The following MSI2 variants were observed in gnomAD, a reference collection of about 807,000 sequenced individuals.
The protein encoded by MSI2 is RNA-binding protein Musashi homolog 2.
A neutral mutation model predicts 45.6 loss-of-function variants in MSI2; 17 were observed. The observed-to-expected ratio is 0.37, with a 90% confidence interval of 0.26 to 0.56. The LOEUF (loss-of-function observed/expected upper bound fraction) is 0.56. MSI2 is among the 20% of genes least tolerant of loss of function. The pLI, the probability that MSI2 is intolerant of heterozygous loss-of-function variation, is 0.77. For synonymous variants in MSI2, 156 were observed against 158.2 expected, an observed-to-expected ratio of 0.99 and a Z score of 0.11; for missense variants, 293 against 444.2, an observed-to-expected ratio of 0.66 and a Z score of 3.06.
intron 6 of MSI2, among the ~76,000 whole-genome samples, chr17:57,412,001 C>T (rs62060399): frequency 0.022 from 3,372 of 151,884 alleles, 49 homozygotes; most frequent in Non-Finnish European, 0.034. Context: ...ACCAAGACTC[C>T]GTCTGGGGGC....
intron 5 of MSI2, chr17:57,268,070 CCTTTT>C (rs1401416000): frequency 1.3e-5 from 2 of 152,218 alleles, no homozygotes; most frequent in Non-Finnish European, 2.9e-5. Flanking sequence ...ACAGCACTTA[CCTTTT>C]CTTTGGTTAA....
chr17:57,504,972 T>C (rs1342110152), intron 6 of MSI2, among the ~76,000 whole-genome samples: 3 of 141,948 alleles, frequency 2.1e-5, no homozygotes, highest in South Asian at 4.6e-4. Flanking sequence ...AAGGGGAGAA[T>C]GGGGGGTCCC....
At chr17:57,290,399 T>G (rs1026175308) in intron 5 of MSI2, among the ~76,000 whole-genome samples, 2 of 152,244 alleles carry the variant, frequency 1.3e-5, no homozygotes, top group African/African-American at 4.8e-5. Context: ...ACCCTCCAAC[T>G]GTTGGACTCA....
chr17:57,370,686 A>C (rs1202218585), intron 5 of MSI2, among the ~76,000 whole-genome samples: 1 of 152,160 alleles, frequency 6.6e-6, no homozygotes, highest in Non-Finnish European at 1.5e-5. Context: ...TGATGGATTT[A>C]ACCTCTGTGA....
intron 9 of MSI2, among the ~76,000 whole-genome samples, chr17:57,621,236 A>G (rs545217719): frequency 6.6e-6 from 1 of 152,210 alleles, no homozygotes; most frequent in Non-Finnish European, 1.5e-5. Context: ...TAGTCCTGGA[A>G]GCACTACCAT....
intron 7 of MSI2, among the ~76,000 whole-genome samples, chr17:57,533,225 G>A (rs896140510): frequency 6.6e-6 from 1 of 152,192 alleles, no homozygotes; most frequent in African/African-American, 2.4e-5. Flanking sequence ...CCAGCCTGGG[G>A]CTCACTAGTG....
At chr17:57,469,698 A>G (rs2143676110) in intron 6 of MSI2, among the ~76,000 whole-genome samples, 1 of 152,344 alleles carries the variant, frequency 6.6e-6, no homozygotes, top group South Asian at 2.1e-4. Flanking sequence ...AGCTAAAGTG[A>G]GAAGGGCAGG....
At chr17:57,362,136 G>A (rs1041064585) in intron 5 of MSI2, among the ~76,000 whole-genome samples, 4 of 152,184 alleles carry the variant, frequency 2.6e-5, no homozygotes, top group Non-Finnish European at 5.9e-5. Context: ...GGAACTGCAC[G>A]GAACCCAGTG....
intron 5 of MSI2, chr17:57,285,738 A>C: frequency 1.1e-6 from 1 of 898,914 alleles, no homozygotes; most frequent in Non-Finnish European, 1.5e-6. Flanking sequence ...ATTCCTGAGA[A>C]TTTCTGTGTA....
chr17:57,495,876 A>C (rs1374400925), intron 6 of MSI2, among the ~76,000 whole-genome samples: 2 of 152,270 alleles, frequency 1.3e-5, no homozygotes, highest in African/African-American at 4.8e-5. Context: ...GTGGGAACGC[A>C]GAGCACAATT....
intron 6 of MSI2, among the ~76,000 whole-genome samples, chr17:57,404,484 A>C (rs2084047984): frequency 6.6e-6 from 1 of 152,214 alleles, no homozygotes; most frequent in African/African-American, 2.4e-5. Context: ...AGTCAGGGCC[A>C]GGGAGGCTGA....
In MSI2 at chr17:57,472,426, G is replaced by C. The variant is rs1003163542; in HGVS notation, c.406-57250G>C. On this transcript the variant is annotated intron_variant, in intron 6 of 13. Transcript: ENST00000284073. ...TTAGTGAAGGAGTAGTGACTGGGGG[G>C]TCCCAGAAGACAAAAAACCTAGCCA... Among the ~76,000 whole-genome samples, 33 of 152,044 alleles carry C rather than the reference G, an allele frequency of 2.2e-4. 1 individual carries two copies. Among genetic ancestry groups the C allele is most frequent in the Admixed American group, 6.5e-5 (1 of 15,268 alleles).
At chr17:57,521,094 G>A (rs566712634) in intron 6 of MSI2, among the ~76,000 whole-genome samples, 2 of 152,200 alleles carry the variant, frequency 1.3e-5, no homozygotes, top group Non-Finnish European at 2.9e-5. Context: ...AAGGAAAAAC[G>A]TGCCTGGCAG....
chr17:57,256,772 G>C lies in MSI2; in HGVS notation c.30G>C (p.Ser10=). The C allele has an allele frequency of 2.0e-6, 3 of 1,478,172 alleles. No individual in the cohort carries two copies. The highest frequency in any genetic ancestry group is 2.7e-6 in the Non-Finnish European group (3 of 1,116,380). 91.6% of individuals were successfully genotyped at this position (1,478,172 alleles called of 1,614,324 possible). Residue 10 remains serine, a synonymous_variant, in exon 1 of 14, where the codon TCG becomes TCC. Coordinates refer to ENST00000284073, the MANE Select transcript of MSI2 (RefSeq NM_138962.4). ...AGGCAAATGGGAGCCAAGGCACCTC[G>C]GGCAGCGCCAACGACTCCCAGCACG... MEANGSQGT[S]GSANDSQHDP... is the part of the protein sequence containing the mutation.
chr17:57,256,589 C>T lies in MSI2; in HGVS notation c.-154C>T, dbSNP rs1906735295. Reference sequence around the variant, plus strand: ...ACGGCTCTCGCCGCTGCCCCGGCTCCGCCGCTCGCAGAGAGATTCGGAGGA... The same window carrying T: ...ACGGCTCTCGCCGCTGCCCCGGCTCTGCCGCTCGCAGAGAGATTCGGAGGA... On this transcript the variant is annotated 5_prime_UTR_variant, in exon 1 of 14. Transcript: ENST00000284073. 2.5e-6 allele frequency: 1 copy of T among 401,466 alleles called. No individual in the cohort carries two copies. The allele number at this position is 401,466 out of a possible 1,614,324, so 24.9% of individuals were successfully genotyped here. A position where few individuals can be genotyped will look rare whatever the true frequency, so the allele number is the denominator to read the frequency against.
chr17:57,452,765 T>C (rs1485575458), intron 6 of MSI2, among the ~76,000 whole-genome samples: 1 of 152,196 alleles, frequency 6.6e-6, no homozygotes, highest in Non-Finnish European at 1.5e-5. Context: ...GTGTATTTTG[T>C]ACTTCATCTT....
intron 5 of MSI2, among the ~76,000 whole-genome samples, chr17:57,320,741 A>G (rs1341293569): frequency 6.6e-6 from 1 of 152,208 alleles, no homozygotes; most frequent in East Asian, 1.9e-4. Context: ...GTCTTAGGGT[A>G]CATACAGAAA....
At chr17:57,290,512 T>C (rs1175905576) in intron 5 of MSI2, among the ~76,000 whole-genome samples, 3 of 152,206 alleles carry the variant, frequency 2.0e-5, no homozygotes, top group African/African-American at 4.8e-5. Context: ...GGTCTTGTTA[T>C]GTTGCCCAGG....
At chr17:57,264,725 A>G (rs1381244475) in intron 5 of MSI2, 3 of 152,248 alleles carry the variant, frequency 2.0e-5, no homozygotes, top group Non-Finnish European at 2.9e-5. Context: ...GATGTCCAGG[A>G]GCCATACCCA....
Sources: gnomAD v4.1 joint callset for allele counts (sites outside exome capture counted in the v4.1 genomes callset) on GRCh38, gnomAD v4.1.1 for gene constraint, MANE v1.5 for transcripts, NCBI Gene and HGNC (gene_info 2026-07-23, HGNC 2026-07-21) for gene names.